VWA3B: variants seen among roughly 807,000 people sequenced by gnomAD.
VWA3B encodes von Willebrand factor A domain containing 3B, also known as von Willebrand factor A domain-containing protein 3B.
A neutral mutation model predicts 158.3 loss-of-function variants in VWA3B; 138 were observed. The ratio of observed to expected loss-of-function variants is 0.87; its 90% CI spans 0.76 to 1.00. The LOEUF is 1.00. VWA3B is among the 50% of genes least tolerant of loss of function. VWA3B has a pLI of 0.00. For synonymous variants in VWA3B, 596 were observed against 587.3 expected (o/e 1.01, Z -0.21); for missense variants, 1,555 against 1,565.1 (o/e 0.99, Z 0.11).
Position 98,297,927 on chromosome 2 carries a change from A to G in VWA3B, c.3178A>G (p.Ser1060Gly). The G allele has an allele frequency of 6.4e-7, 1 of 1,566,592 alleles. No individual in the cohort carries two copies. The highest frequency in any genetic ancestry group is 8.6e-7 in the Non-Finnish European group (1 of 1,156,620). ...YFPGVVKKCVSRTQALVGFSY... is the reference protein window; with the variant it reads ...YFPGVVKKCVGRTQALVGFSY... The stretch of plus-strand genomic sequence containing the variant: ...TCCAGGGGTTGTGAAGAAGTGTGTG[A>G]GCCGCACCCAAGCACTGGTGGGCTT... The change falls in exon 24 of 28, where the codon AGC becomes GGC. Residue 1060 changes from serine to glycine, a missense_variant. Physicochemically the swap from Ser to Gly is moderately conservative, Grantham distance 56 (BLOSUM62 0). Coordinates refer to ENST00000477737, the MANE Select transcript of VWA3B (RefSeq NM_144992.5).
downstream of VWA3B, among the ~76,000 whole-genome samples, chr2:98,313,739 C>T (rs2106035743): frequency 6.6e-6 from 1 of 152,284 alleles, no homozygotes; most frequent in African/African-American, 2.4e-5. Context: ...CTCTTCGTCT[C>T]CACTTTCTCA....
chr2:98,186,904 C>G (rs1023173875), intron 9 of VWA3B, among the ~76,000 whole-genome samples: 1 of 152,152 alleles, frequency 6.6e-6, no homozygotes, highest in Admixed American at 6.5e-5. Context: ...CGACAGCTGT[C>G]AGGCTTTACG....
chr2:98,294,418 G>A (rs149212445), intron 23 of VWA3B, among the ~76,000 whole-genome samples: 15 of 152,310 alleles, frequency 9.8e-5, no homozygotes, highest in Admixed American at 3.3e-4. Flanking sequence ...AGGTCCACGC[G>A]GAAGCAGAGC....
chr2:98,098,531 C>G (rs1467883086), intron 2 of VWA3B, among the ~76,000 whole-genome samples: 3 of 151,854 alleles, frequency 2.0e-5, no homozygotes, highest in Admixed American at 2.0e-4. Flanking sequence ...ACATAGCTAC[C>G]CCTGTTCTCC....
chr2:98,087,573 C>G (rs1357886890), intron 1 of VWA3B, among the ~76,000 whole-genome samples: 1 of 152,120 alleles, frequency 6.6e-6, no homozygotes, highest in Admixed American at 6.5e-5. Flanking sequence ...GTCAAGGTAC[C>G]GACCCCTCCT....
chr2:98,115,535 A>G, intron 2 of VWA3B, 117 bp from the exon 3 acceptor site: 1 of 753,658 alleles, frequency 1.3e-6, no homozygotes, highest in Non-Finnish European at 2.2e-6. Flanking sequence ...AGCATCACAA[A>G]TTATTGATGG....
intron 13 of VWA3B, among the ~76,000 whole-genome samples, chr2:98,215,811 C>T (rs1465711953): frequency 6.6e-6 from 1 of 152,124 alleles, no homozygotes; most frequent in Non-Finnish European, 1.5e-5. Flanking sequence ...CCACCGCGCC[C>T]AGCCAATTTA....
chr2:98,192,756 G>A, intron 10 of VWA3B, 142 bp from the exon 11 acceptor site: 3 of 1,174,040 alleles, frequency 2.6e-6, no homozygotes, highest in South Asian at 1.5e-5. Flanking sequence ...AAACCTCAAA[G>A]CGAATGATCT....
rs555823268 is a variant in VWA3B, at chr2:98,185,215, G to GCTATTCCCACCCATCTGT, written c.1312-2757_1312-2740dup. On this transcript the variant is annotated intron_variant, in intron 9 of 27. Coordinates refer to ENST00000477737, the MANE Select transcript of VWA3B (RefSeq NM_144992.5). Reference sequence around the variant, plus strand: ...ATCTGTAGGTTGTTTATTCTCTTGCGCTATTCCCACCCATCTGTCTCCTCC... The same window carrying GCTATTCCCACCCATCTGT: ...ATCTGTAGGTTGTTTATTCTCTTGCGCTATTCCCACCCATCTGTCTATTCCCACCCATCTGTCTCCTCC... 3.5e-4 allele frequency among the ~76,000 whole-genome samples: 53 copies of GCTATTCCCACCCATCTGT among 152,152 alleles called. No individual in the cohort carries two copies. The East Asian group carries it at 5.8e-3, about 17-fold the overall frequency.
chr2:98,178,409 A>G (rs376714425), intron 8 of VWA3B, among the ~76,000 whole-genome samples: 29 of 152,322 alleles, frequency 1.9e-4, no homozygotes, highest in African/African-American at 6.7e-4. Flanking sequence ...CATGGGTCTC[A>G]TGAAGCATTA....
intron 21 of VWA3B, among the ~76,000 whole-genome samples, chr2:98,257,272 A>G (rs1271941444): frequency 1.3e-5 from 2 of 152,064 alleles, no homozygotes; most frequent in Non-Finnish European, 2.9e-5. Flanking sequence ...AGTGCTGCAA[A>G]TGATATTAAG....
intron 13 of VWA3B, among the ~76,000 whole-genome samples, chr2:98,216,528 C>T (rs145495307): frequency 6.6e-5 from 10 of 152,334 alleles, no homozygotes; most frequent in Middle Eastern, 3.4e-3. Flanking sequence ...ACCTCCTTCC[C>T]GGCAGGGAGG....
intron 26 of VWA3B, among the ~76,000 whole-genome samples, chr2:98,305,772 C>A (rs1558781905): frequency 6.6e-6 from 1 of 152,074 alleles, no homozygotes; most frequent in Non-Finnish European, 1.5e-5. Flanking sequence ...CCTAACTGGC[C>A]AGGAGTTCTC....
At chr2:98,315,266 C>CTTTTAG (rs1691064300), downstream of VWA3B, among the ~76,000 whole-genome samples, 1 of 151,890 alleles carries the variant, frequency 6.6e-6, no homozygotes, top group South Asian at 2.1e-4. Context: ...TTAGCATATA[C>CTTTTAG]CAGAAGTAAT....
chr2:98,243,242 A>G (rs558058215), intron 19 of VWA3B, among the ~76,000 whole-genome samples: 6 of 152,314 alleles, frequency 3.9e-5, no homozygotes, highest in Non-Finnish European at 8.8e-5. Context: ...ACCAGTTTAA[A>G]TGCTCAGCCT....
chr2:98,298,448 C>CTATTCTATTCTATTCTATTCT (rs1558773950), intron 24 of VWA3B, among the ~76,000 whole-genome samples: 2 of 89,340 alleles, frequency 2.2e-5, no homozygotes. Context: ...TATTCTATGC[C>CTATTCTATTCTATTCTATTCT]ATGCCATGCC....
intron 8 of VWA3B, among the ~76,000 whole-genome samples, chr2:98,165,105 G>A (rs112052487): frequency 1.4e-4 from 21 of 152,318 alleles, no homozygotes; most frequent in African/African-American, 3.8e-4. Context: ...GTTGGTACAC[G>A]GATTCTCCTG....
chr2:98,171,257 G>C (rs1165597285), intron 8 of VWA3B, among the ~76,000 whole-genome samples: 1 of 152,282 alleles, frequency 6.6e-6, no homozygotes, highest in African/African-American at 2.4e-5. Context: ...CTCTTGCTCC[G>C]TGAAGGTAGA....
intron 12 of VWA3B, chr2:98,207,133 G>A (rs1305299028): frequency 3.7e-6 from 2 of 539,070 alleles, no homozygotes; most frequent in Non-Finnish European, 7.4e-6. Flanking sequence ...TTCTGCTGTG[G>A]GCTATCAGCC....
Sources: gnomAD v4.1 joint callset for allele counts (sites outside exome capture counted in the v4.1 genomes callset) on GRCh38, gnomAD v4.1.1 for gene constraint, MANE v1.5 for transcripts, NCBI Gene and HGNC (gene_info 2026-07-23, HGNC 2026-07-21) for gene names.